The following PDE4D variants were observed in gnomAD, a reference collection of about 807,000 sequenced individuals.
PDE4D encodes phosphodiesterase 4D, also known as 3',5'-cyclic-AMP phosphodiesterase 4D.
In PDE4D, 24 loss-of-function variants were observed where a neutral mutation model predicts 87.4. That is an observed-to-expected ratio of 0.27 (90% confidence interval 0.20 to 0.39). The LOEUF (loss-of-function observed/expected upper bound fraction) is 0.39. Among genes scored for constraint, PDE4D ranks in the 10% least tolerant of loss-of-function variants. The probability of loss-of-function intolerance (pLI) is 1.00; values close to 1 mark genes in which losing one functional copy is unlikely to be tolerated. For synonymous variants in PDE4D, 384 were observed against 383.2 expected (o/e 1.00, Z -0.02); for missense variants, 714 against 1,041.0 (o/e 0.69, Z 4.32).
At chr5:59,668,911 AGAAGAAGAAGAAAG>A (rs1188836707) in intron 1 of PDE4D, among the ~76,000 whole-genome samples, 1 of 75,144 alleles carries the variant, frequency 1.3e-5, no homozygotes, top group African/African-American at 6.1e-5. Context: ...AAGAAGAAGA[AGAAGAAGAAGAAAG>A]AAAGAAAGAA....
At chr5:59,862,140 C>T (rs1447242307) in intron 1 of PDE4D, among the ~76,000 whole-genome samples, 1 of 152,126 alleles carries the variant, frequency 6.6e-6, no homozygotes, top group Non-Finnish European at 1.5e-5. Flanking sequence ...TAACTGGCCG[C>T]TCCTACTCTT....
At chr5:59,915,321 G>C (rs1186737656) in intron 3 of PDE4D, among the ~76,000 whole-genome samples, 1 of 152,134 alleles carries the variant, frequency 6.6e-6, no homozygotes, top group Non-Finnish European at 1.5e-5. Context: ...ACTGAAGAAA[G>C]GTGAGTCCAT....
At chr5:60,485,371 A>C (rs1749056325) in intron 1 of PDE4D, among the ~76,000 whole-genome samples, 1 of 150,382 alleles carries the variant, frequency 6.6e-6, no homozygotes, top group South Asian at 2.1e-4. Flanking sequence ...GGGAAGAGCA[A>C]ATTTTTCCAA....
rs1320452173 is a variant in PDE4D at position 59,659,907 on chromosome 5, G to A, written c.455+233261C>T. Among the ~76,000 whole-genome samples, 9 of 152,082 alleles carry A rather than the reference G, an allele frequency of 5.9e-5. No individual in the cohort carries two copies. In the South Asian group the frequency reaches 1.0e-3, roughly 18 times the overall value. On this transcript the variant is annotated intron_variant, in intron 1 of 14. Transcript: ENST00000340635. ...TAAAAAATAAATATTGAAGTAGGCC[G>A]GGCATGGTAGCTCATGCCTGCAATC...
intron 1 of PDE4D, among the ~76,000 whole-genome samples, chr5:59,880,226 C>T (rs564049228): frequency 6.6e-6 from 1 of 152,228 alleles, no homozygotes; most frequent in South Asian, 2.1e-4. Flanking sequence ...CTACCCCAGC[C>T]TCCTGAGTAG....
intron 1 of PDE4D, among the ~76,000 whole-genome samples, chr5:59,542,119 C>A (rs1816458891): frequency 6.6e-6 from 1 of 152,122 alleles, no homozygotes; most frequent in Admixed American, 6.6e-5. Context: ...ACAAGACCAG[C>A]CTCTAAGGTC....
intron 3 of PDE4D, among the ~76,000 whole-genome samples, chr5:59,983,668 T>G (rs565954083): frequency 6.6e-6 from 1 of 152,292 alleles, no homozygotes; most frequent in South Asian, 2.1e-4. Context: ...CCACTACACA[T>G]TCACCAGAAT....
At chr5:60,328,638 T>G (rs1356108240) in intron 1 of PDE4D, among the ~76,000 whole-genome samples, 1 of 152,134 alleles carries the variant, frequency 6.6e-6, no homozygotes, top group Non-Finnish European at 1.5e-5. Flanking sequence ...TTGTAGATTT[T>G]TTTGGGCTCA....
chr5:59,394,402 G>A (rs1049645259), intron 1 of PDE4D, among the ~76,000 whole-genome samples: 8 of 152,144 alleles, frequency 5.3e-5, no homozygotes, highest in African/African-American at 1.9e-4. Flanking sequence ...TTTGCTGAAG[G>A]GAGGTTTCTG....
intron 1 of PDE4D, among the ~76,000 whole-genome samples, chr5:59,611,911 C>T (rs1238314451): frequency 3.9e-5 from 6 of 152,180 alleles, no homozygotes; most frequent in Admixed American, 6.5e-5. Context: ...TACTCTGATG[C>T]TATTTAGAAT....
intron 1 of PDE4D, among the ~76,000 whole-genome samples, chr5:59,765,512 C>G (rs1038302061): frequency 6.6e-6 from 1 of 152,172 alleles, no homozygotes; most frequent in Non-Finnish European, 1.5e-5. Flanking sequence ...TCCCAGCCTC[C>G]TTTGCAGTTA....
chr5:59,971,698 T>TA (rs549830714), intron 3 of PDE4D, among the ~76,000 whole-genome samples: 61 of 152,238 alleles, frequency 4.0e-4, no homozygotes, highest in African/African-American at 1.3e-3. Context: ...TCTTTTTATG[T>TA]AAAAAAATAA....
intron 1 of PDE4D, among the ~76,000 whole-genome samples, chr5:59,662,202 A>G (rs1745368930): frequency 6.6e-6 from 1 of 152,232 alleles, no homozygotes; most frequent in African/African-American, 2.4e-5. Context: ...AATGGATGGA[A>G]TGGTCTAACC....
intron 5 of PDE4D, among the ~76,000 whole-genome samples, chr5:59,137,424 T>G (rs1466402111): frequency 6.6e-6 from 1 of 152,210 alleles, no homozygotes; most frequent in African/African-American, 2.4e-5. Context: ...AACTTCATGG[T>G]ATAGATAGGA....
At position 59,827,973 on chromosome 5, in the gene PDE4D, A is replaced by G. The variant is rs961411919; in HGVS notation, c.455+65195T>C. ...GTATTTGTTAACTTATTATTTTCAC[A>G]TAATTGTTTATAGAGATTAGGAGAA... On this transcript the variant is annotated intron_variant, in intron 1 of 14. Transcript: ENST00000340635. Among the ~76,000 whole-genome samples the G allele has an allele frequency of 2.0e-5, 3 of 152,166 alleles. No homozygotes were observed. The South Asian group carries it at 6.2e-4, about 31-fold the overall frequency.
At chr5:60,105,928 G>A (rs925371071) in intron 2 of PDE4D, among the ~76,000 whole-genome samples, 2 of 152,148 alleles carry the variant, frequency 1.3e-5, no homozygotes, top group African/African-American at 4.8e-5. Context: ...GACCATCGAT[G>A]CTAGGAAGAG....
chr5:59,669,272 C>T (rs1746768899), intron 1 of PDE4D, among the ~76,000 whole-genome samples: 1 of 152,110 alleles, frequency 6.6e-6, no homozygotes, highest in Non-Finnish European at 1.5e-5. Flanking sequence ...TGCCACCACA[C>T]CCGGCTAATT....
At chr5:59,348,280 C>T (rs1779926991) in intron 1 of PDE4D, among the ~76,000 whole-genome samples, 1 of 152,076 alleles carries the variant, frequency 6.6e-6, no homozygotes, top group South Asian at 2.1e-4. Flanking sequence ...GTTTTTGGGG[C>T]AACTTATATC....
intron 2 of PDE4D, among the ~76,000 whole-genome samples, chr5:59,201,507 AG>A (rs1274430784): frequency 2.0e-5 from 3 of 152,180 alleles, no homozygotes; most frequent in Non-Finnish European, 4.4e-5. Context: ...TTACTTATAA[AG>A]GAGGCATTAG....
Sources: gnomAD v4.1 joint callset for allele counts (sites outside exome capture counted in the v4.1 genomes callset) on GRCh38, gnomAD v4.1.1 for gene constraint, MANE v1.5 for transcripts, NCBI Gene and HGNC (gene_info 2026-07-23, HGNC 2026-07-21) for gene names.